The following HDAC5 variants were observed in gnomAD, a reference collection of about 807,000 sequenced individuals.
The protein encoded by HDAC5 is antigen NY-CO-9.
In HDAC5, 25 loss-of-function variants were observed where a neutral mutation model predicts 133.3. The observed-to-expected ratio is 0.19, with a 90% CI of 0.14 to 0.26. HDAC5 has a LOEUF of 0.26. Ranked by LOEUF, HDAC5 falls within the 10% of genes least tolerant of loss-of-function variation. The probability of loss-of-function intolerance (pLI) is 1.00; values close to 1 mark genes in which losing one functional copy is unlikely to be tolerated. For missense variants in HDAC5, 1,041 were observed against 1,460.5 expected (o/e 0.71, Z 4.68); for synonymous variants, 589 against 610.8 (o/e 0.96, Z 0.53).
In HDAC5 at chr17:44,086,581, A is replaced by C. The variant is rs1567988260; in HGVS notation, c.2041T>G (p.Phe681Val). 1 of 1,303,680 alleles carries C rather than the reference A, an allele frequency of 7.7e-7. No individual in the cohort carries two copies. The allele number at this position is 1,303,680 out of a possible 1,614,324, so 80.8% of individuals were successfully genotyped here. ...GTTGGTGGGGGCTCACCTGTGGTGA[A>C]GAGGTGCTTGACGGGCTGGTCTGGG... ...SPPDQPVKHL[F>V]TTGVVYDTFM... The change falls in exon 14 of 27, where the codon TTC becomes GTC. Residue 681 changes from phenylalanine to valine, a missense_variant. Around this residue, in one of 9 missense-constraint regions of HDAC5, gnomAD observed 433 missense variants for 531.6 expected, o/e 0.81. Transcript: ENST00000682912.
chr17:44,083,436 C>T, intron 18 of HDAC5, 109 bp downstream of exon 18: 1 of 735,622 alleles, frequency 1.4e-6, no homozygotes, highest in Non-Finnish European at 2.3e-6. Context: ...GAGAGTTGAG[C>T]TTGCAAAGGA....
At chr17:44,107,667 A>G (rs1196959052) in intron 3 of HDAC5, among the ~76,000 whole-genome samples, 1 of 150,330 alleles carries the variant, frequency 6.7e-6, no homozygotes, top group Non-Finnish European at 1.5e-5. Context: ...CACTCAGTGC[A>G]TTATAATAGT....
intron 11 of HDAC5, among the ~76,000 whole-genome samples, chr17:44,090,344 G>A (rs2050882333): frequency 6.6e-6 from 1 of 152,166 alleles, no homozygotes; most frequent in African/African-American, 2.4e-5. Context: ...TGGATATAAT[G>A]AGTTAAATAT....
chr17:44,102,064 T>A (rs1169537819), intron 3 of HDAC5, among the ~76,000 whole-genome samples: 1 of 152,196 alleles, frequency 6.6e-6, no homozygotes, highest in Non-Finnish European at 1.5e-5. Flanking sequence ...GCTAGAATGG[T>A]TCCTGTGCTC....
chr17:44,080,040 C>T, intron 23 of HDAC5, 67 bp downstream of exon 23: 1 of 1,118,460 alleles, frequency 8.9e-7, no homozygotes, highest in Non-Finnish European at 1.4e-6. Flanking sequence ...TGTTCCCTGC[C>T]CCATGCCTCA....
intron 23 of HDAC5, 43 bp from the exon 24 acceptor site, chr17:44,079,320 T>TAATC: frequency 6.3e-7 from 1 of 1,594,688 alleles, no homozygotes; most frequent in Non-Finnish European, 8.6e-7. Context: ...TGGCGAAAGG[T>TAATC]AATCAATCAA....
At chr17:44,111,451 C>A in intron 2 of HDAC5, 1 of 410,944 alleles carries the variant, frequency 2.4e-6, no homozygotes, top group African/African-American at 2.0e-5. Context: ...TGGCCAGAGG[C>A]TGGGCTGGGG....
At chr17:44,120,012 A>G in intron 1 of HDAC5, 1 of 152,526 alleles carries the variant, frequency 6.6e-6, no homozygotes, top group East Asian at 1.9e-4. Flanking sequence ...CGGGATCCAA[A>G]ACCACCTCCC....
At chr17:44,083,770 G>A (rs750363673) in intron 17 of HDAC5, 35 bp downstream of exon 17, 30 of 1,417,090 alleles carry the variant, frequency 2.1e-5, no homozygotes, top group South Asian at 3.4e-5. Flanking sequence ...TAGGAGAGCC[G>A]CCCGCCCACC....
In HDAC5 at chr17:44,110,715, A is replaced by T. The variant is rs766706819; in HGVS notation, c.94+14T>A. 1.2e-6 allele frequency: 2 copies of T among 1,610,716 alleles called. No homozygotes were observed. Among genetic ancestry groups the T allele is most frequent in the African/African-American group, 2.7e-5 (2 of 74,886 alleles). ...CAGATGACAGAGGGCAGGCAGGGAC[A>T]TCAAGGCACTTACCTGTCACAGGGA... is the stretch of plus-strand genomic sequence containing the variant. On this transcript the variant is annotated intron_variant, in intron 3 of 26. Transcript: ENST00000682912.
chr17:44,083,422 G>T, intron 18 of HDAC5, 123 bp downstream of exon 18: 1 of 669,866 alleles, frequency 1.5e-6, no homozygotes, highest in Non-Finnish European at 2.6e-6. Flanking sequence ...CCACCCTGGT[G>T]CCTGAGAGTT....
chr17:44,084,542 T>C lies in HDAC5; in HGVS notation c.2305+13A>G. 1 of 1,606,268 alleles carries C rather than the reference T, an allele frequency of 6.2e-7. No homozygotes were observed. Among genetic ancestry groups the C allele is most frequent in the Non-Finnish European group, 8.5e-7 (1 of 1,175,196 alleles). Reference sequence around the variant, plus strand: ...CTGAACATGCCTGCCCGCCCACCCATGTGCCAGCTCACCGAGCAACTTCTT... The same window carrying C: ...CTGAACATGCCTGCCCGCCCACCCACGTGCCAGCTCACCGAGCAACTTCTT... On this transcript the variant is annotated intron_variant, in intron 16 of 26. Coordinates refer to ENST00000682912, the MANE Select transcript of HDAC5 (RefSeq NM_005474.5).
rs2050661764 is a variant in HDAC5, at chr17:44,086,610, C to T, written c.2012G>A (p.Ser671Asn). Residue 671 changes from serine to asparagine, a missense_variant, in exon 14 of 27, where the codon AGC (serine) becomes AAC (asparagine). By Grantham distance (46) the Ser-to-Asn change is conservative. Around this residue, in one of 9 missense-constraint regions of HDAC5, gnomAD observed 433 missense variants for 531.6 expected, o/e 0.81. Transcript: ENST00000682912. ...SSPAAPGGMK[S>N]PPDQPVKHLF... ...GTGCTTGACGGGCTGGTCTGGGGGG[C>T]TCTTCATGCCCCCAGGGGCAGCAGG... The T allele has an allele frequency of 1.5e-6, 2 of 1,303,866 alleles. No individual in the cohort carries two copies. Among genetic ancestry groups the T allele is most frequent in the African/African-American group, 1.5e-5 (1 of 66,302 alleles). The allele number at this position is 1,303,866 out of a possible 1,614,324, so 80.8% of individuals were successfully genotyped here.
Position 44,078,779 on chromosome 17 carries a change from A to G in HDAC5, c.3163+16T>C. The G allele has an allele frequency of 6.2e-7, 1 of 1,613,510 alleles. No homozygotes were observed. The highest frequency in any genetic ancestry group is 8.5e-7 in the Non-Finnish European group (1 of 1,179,518). ...CCCCCTTGGCAGCCTGAGCCCCTCT[A>G]CGTGTCCTCACGCACTCTGGATCTC... is the stretch of plus-strand genomic sequence containing the variant. On this transcript the variant is annotated intron_variant, in intron 25 of 26. Transcript: ENST00000682912.
At chr17:44,118,288 TCAGAGAC>T (rs2052773337) in intron 1 of HDAC5, among the ~76,000 whole-genome samples, 3 of 152,208 alleles carry the variant, frequency 2.0e-5, no homozygotes, top group Non-Finnish European at 4.4e-5. Flanking sequence ...ATTGAGAAAG[TCAGAGAC>T]CTCTCCATCC....
At chr17:44,093,038 G>A in intron 6 of HDAC5, 54 bp downstream of exon 6, 3 of 1,330,268 alleles carry the variant, frequency 2.3e-6, no homozygotes, top group Non-Finnish European at 3.1e-6. Flanking sequence ...CCTATAGCCA[G>A]GCAGCCCCTG....
In HDAC5 at chr17:44,077,516, G is replaced by A. The variant is rs898235590; in HGVS notation, c.*860C>T. On this transcript the variant is annotated 3_prime_UTR_variant, in exon 27 of 27. Coordinates refer to ENST00000682912, the MANE Select transcript of HDAC5 (RefSeq NM_005474.5). ...GAAAATCTGGTCCTGACAGCAGGGG[G>A]GCTCTCACCAGCCTGGAGCCCCTCT... is the stretch of plus-strand genomic sequence containing the variant. 1 of 152,274 alleles carries A rather than the reference G, an allele frequency of 6.6e-6. No individual in the cohort carries two copies. The highest frequency in any genetic ancestry group is 2.4e-5 in the African/African-American group (1 of 41,446). 9.4% of individuals were successfully genotyped at this position (152,274 alleles called of 1,614,324 possible).
intron 3 of HDAC5, among the ~76,000 whole-genome samples, chr17:44,105,054 A>G (rs1011904826): frequency 1.3e-5 from 2 of 152,226 alleles, no homozygotes; most frequent in African/African-American, 4.8e-5. Context: ...TGGAGGACCC[A>G]GGGCTTAATC....
chr17:44,111,859 G>C (rs2052366940), intron 2 of HDAC5, among the ~76,000 whole-genome samples: 3 of 152,232 alleles, frequency 2.0e-5, no homozygotes, highest in Admixed American at 1.3e-4. Flanking sequence ...GGTGTCCCCT[G>C]GTCCCCTTTC....
Sources: gnomAD v4.1 joint callset for allele counts (sites outside exome capture counted in the v4.1 genomes callset) on GRCh38, gnomAD v4.1.1 for gene constraint, gnomAD v4.1.1 regional missense constraint, MANE v1.5 for transcripts, NCBI Gene and HGNC (gene_info 2026-07-23, HGNC 2026-07-21) for gene names.